Variants in GNA11 observed in about 807,000 individuals in gnomAD.
GNA11 encodes the protein guanine nucleotide-binding protein subunit alpha-11.
In GNA11, 8 loss-of-function variants were observed where a neutral mutation model predicts 38.2. The observed-to-expected ratio is 0.21, with a 90% CI of 0.12 to 0.38. The LOEUF (loss-of-function observed/expected upper bound fraction) is 0.38. Ranked by LOEUF, GNA11 falls within the 10% of genes least tolerant of loss-of-function variation. The pLI is 1.00. For missense variants in GNA11, 268 were observed against 516.3 expected, an observed-to-expected ratio of 0.52 and a Z score of 4.66; for synonymous variants, 211 against 221.4, an observed-to-expected ratio of 0.95 and a Z score of 0.42.
At chr19:3,097,215 G>A (rs1360468933) in intron 1 of GNA11, among the ~76,000 whole-genome samples, 3 of 151,960 alleles carry the variant, frequency 2.0e-5, no homozygotes, top group Non-Finnish European at 2.9e-5. Flanking sequence ...TGCAGCAGGT[G>A]GCTATGGCGC....
Position 3,108,326 on chromosome 19 carries a change from G to A in GNA11, c.137-1823G>A, listed in dbSNP as rs190613230. Among the ~76,000 whole-genome samples the A allele has an allele frequency of 5.8e-4, 88 of 152,342 alleles. No individual in the cohort carries two copies. The highest frequency in any genetic ancestry group is 2.0e-3 in the African/African-American group (82 of 41,588). Reference sequence around the variant, plus strand: ...AGCAAGGAAGGTTCCAGAAAGTACCGGAGGGAGAGTTGTGTTGGGGCTTGG... The same window carrying A: ...AGCAAGGAAGGTTCCAGAAAGTACCAGAGGGAGAGTTGTGTTGGGGCTTGG... On this transcript the variant is annotated intron_variant, in intron 1 of 6. Transcript: ENST00000078429. The surrounding 1 kb of genome is among the most constrained non-coding windows in gnomAD (Gnocchi z 4.5).
chr19:3,109,061 G>A (rs1913702901), intron 1 of GNA11, among the ~76,000 whole-genome samples: 1 of 152,248 alleles, frequency 6.6e-6, no homozygotes, highest in Non-Finnish European at 1.5e-5. Flanking sequence ...ATCACATTCT[G>A]TTTGCTAGAA....
At position 3,108,149 on chromosome 19, in the gene GNA11, C is replaced by G. The variant is rs1913681895; in HGVS notation, c.137-2000C>G. ...TTTGCGAGACCCCCCACAGGGAGCTCAGGTGCTGTGGGCAGTTCCTGGGCT... is the reference window on the plus strand; with the variant it reads ...TTTGCGAGACCCCCCACAGGGAGCTGAGGTGCTGTGGGCAGTTCCTGGGCT... On this transcript the variant is annotated intron_variant, in intron 1 of 6. Transcript: ENST00000078429. This position sits in a 1 kb window ranked among gnomAD's most constrained non-coding sequence, Gnocchi z 4.5. Among the ~76,000 whole-genome samples, 1 of 152,216 alleles carries G rather than the reference C, an allele frequency of 6.6e-6. No individual in the cohort carries two copies. The highest frequency in any genetic ancestry group is 1.5e-5 in the Non-Finnish European group (1 of 68,040).
intron 3 of GNA11, 84 bp from the exon 4 acceptor site, chr19:3,114,860 T>C (rs2145320411): frequency 7.3e-7 from 1 of 1,376,500 alleles, no homozygotes; most frequent in South Asian, 1.3e-5. Context: ...TGGCTTTCCG[T>C]CCTCCCGCTG....
Position 3,113,467 on chromosome 19 carries a change from C to T in GNA11, c.459C>T (p.Leu153=), listed in dbSNP as rs754374982. The T allele has an allele frequency of 6.2e-7, 1 of 1,605,948 alleles. No homozygotes were observed. Among genetic ancestry groups the T allele is most frequent in the Non-Finnish European group, 8.5e-7 (1 of 1,175,310 alleles). The change falls in exon 3 of 7, where the codon CTC becomes CTT. Residue 153 remains leucine, a synonymous_variant. Coordinates refer to ENST00000078429, the MANE Select transcript of GNA11 (RefSeq NM_002067.5). ...ACGACCGCAGGCGCGAGTACCAGCT[C>T]TCCGACTCTGCCAAGTAGTAAGTGC... ...ECYDRRREYQ[L]SDSAKYYLTD...
intron 1 of GNA11, among the ~76,000 whole-genome samples, chr19:3,105,986 C>G (rs924850278): frequency 1.3e-5 from 2 of 152,110 alleles, no homozygotes; most frequent in African/African-American, 4.8e-5. Context: ...CACATTGTCT[C>G]AGGAGGAGTG....
At chr19:3,118,639 C>T in intron 4 of GNA11, 1 of 383,762 alleles carries the variant, frequency 2.6e-6, no homozygotes, top group African/African-American at 2.0e-5. Flanking sequence ...CAGCTGGCGC[C>T]CAGAATCCTC....
chr19:3,106,959 G>A (rs549741709), intron 1 of GNA11, among the ~76,000 whole-genome samples: 10 of 152,312 alleles, frequency 6.6e-5, no homozygotes, highest in African/African-American at 1.4e-4. Context: ...AAAACAGGCC[G>A]GGCGCGGTGG....
rs964177853 is a variant in GNA11 at position 3,110,132 on chromosome 19, C to T, written c.137-17C>T. The T allele has an allele frequency of 1.3e-5, 20 of 1,587,348 alleles. No individual in the cohort carries two copies. The highest frequency in any genetic ancestry group is 2.0e-4 in the Middle Eastern group (1 of 5,034). Reference sequence around the variant, plus strand: ...AGGCCCCGGCTGCCGCCCGCCCTCACGTGCCCCGTCCCCCAGGCACGGGCG... The same window carrying T: ...AGGCCCCGGCTGCCGCCCGCCCTCATGTGCCCCGTCCCCCAGGCACGGGCG... On this transcript the variant is annotated splice_polypyrimidine_tract_variant and intron_variant, in intron 1 of 6. Coordinates refer to ENST00000078429, the MANE Select transcript of GNA11 (RefSeq NM_002067.5). The surrounding 1 kb of genome is among the most constrained non-coding windows in gnomAD (Gnocchi z 5.4).
intron 1 of GNA11, among the ~76,000 whole-genome samples, chr19:3,102,774 G>C (rs561836402): frequency 1.3e-5 from 2 of 152,180 alleles, no homozygotes; most frequent in African/African-American, 4.8e-5. Context: ...GCCCCTCCTC[G>C]GGCCCCTGCG....
At chr19:3,116,002 G>C (rs1913911288) in intron 4 of GNA11, among the ~76,000 whole-genome samples, 1 of 151,492 alleles carries the variant, frequency 6.6e-6, no homozygotes, top group Non-Finnish European at 1.5e-5. Context: ...GGACTGAGTG[G>C]GGAGGAGGGC....
chr19:3,104,497 G>C (rs549306672), intron 1 of GNA11, among the ~76,000 whole-genome samples: 191 of 152,346 alleles, frequency 1.3e-3, no homozygotes, highest in African/African-American at 4.4e-3. Context: ...TTGTGGTTGT[G>C]TGGGGGGCTC....
At position 3,110,234 on chromosome 19, in the gene GNA11, C is replaced by T. The variant is rs762226968; in HGVS notation, c.222C>T (p.Gly74=). The T allele has an allele frequency of 1.2e-6, 2 of 1,613,946 alleles. No homozygotes were observed. Among genetic ancestry groups the T allele is most frequent in the Non-Finnish European group, 1.7e-6 (2 of 1,179,902 alleles). The change falls in exon 2 of 7, where the codon GGC becomes GGT. Residue 74 remains glycine (G), a synonymous_variant. Coordinates refer to ENST00000078429, the MANE Select transcript of GNA11 (RefSeq NM_002067.5). This position sits in a 1 kb window ranked among gnomAD's most constrained non-coding sequence, Gnocchi z 5.4. ...GCTACTCGGAGGAGGACAAGCGCGG[C>T]TTCACCAAGCTCGTCTACCAGAACA... is the stretch of plus-strand genomic sequence containing the variant. The part of the protein sequence containing the change: ...GAGYSEEDKR[G]FTKLVYQNIF...
chr19:3,102,181 A>T (rs1913522688), intron 1 of GNA11, among the ~76,000 whole-genome samples: 1 of 151,968 alleles, frequency 6.6e-6, no homozygotes, highest in Admixed American at 6.5e-5. Flanking sequence ...CTTCCAGTGG[A>T]GGGGTGGGGT....
At chr19:3,115,989 T>C (rs1913910902) in intron 4 of GNA11, among the ~76,000 whole-genome samples, 2 of 135,542 alleles carry the variant, frequency 1.5e-5, no homozygotes, top group African/African-American at 6.5e-5. Context: ...GGAGGGGTCA[T>C]AGGGACTGAG....
At position 3,122,874 on chromosome 19, in the gene GNA11, CAG is replaced by C. The variant is rs1568286631; in HGVS notation, c.*1696_*1697del. ...AGAGCGGGGAGCCCCGTGGAAGGGTCAGGGGAGACCAGGTCAGGGCAGCTACA... is the reference window on the plus strand; with the variant it reads ...AGAGCGGGGAGCCCCGTGGAAGGGTCGGGAGACCAGGTCAGGGCAGCTACA... On this transcript the variant is annotated 3_prime_UTR_variant, in exon 7 of 7. Transcript: ENST00000078429. This position sits in a 1 kb window ranked among gnomAD's most constrained non-coding sequence, Gnocchi z 7.7. 1 of 233,394 alleles carries C rather than the reference CAG, an allele frequency of 4.3e-6. No homozygotes were observed. The highest frequency in any genetic ancestry group is 6.0e-5 in the East Asian group (1 of 16,582). 14.5% of individuals were successfully genotyped at this position (233,394 alleles called of 1,614,324 possible).
chr19:3,102,913 G>C (rs568341418), intron 1 of GNA11, among the ~76,000 whole-genome samples: 2 of 152,206 alleles, frequency 1.3e-5, no homozygotes, highest in Non-Finnish European at 2.9e-5. Context: ...GCCACCACCC[G>C]CCTTCTCATG....
chr19:3,100,909 C>T (rs975003575), intron 1 of GNA11, among the ~76,000 whole-genome samples: 1 of 152,190 alleles, frequency 6.6e-6, no homozygotes, highest in Admixed American at 6.5e-5. Context: ...GGCTGCCCTT[C>T]CTGCTGGCTG....
chr19:3,098,853 A>G (rs1318731637), intron 1 of GNA11, among the ~76,000 whole-genome samples: 3 of 152,066 alleles, frequency 2.0e-5, no homozygotes, highest in Non-Finnish European at 4.4e-5. Flanking sequence ...GGCCAGGGAG[A>G]CGTGGGGACT....
Sources: allele counts gnomAD v4.1 joint callset (sites outside exome capture counted in the v4.1 genomes callset), GRCh38; gene constraint gnomAD v4.1.1; non-coding constraint Gnocchi (gnomAD v3.1); transcripts MANE v1.5; gene names NCBI Gene and HGNC (gene_info 2026-07-23, HGNC 2026-07-21).